GPC6: variants seen among roughly 807,000 people sequenced by gnomAD.
GPC6 encodes the protein glypican 6, also known as glypican-6.
A neutral mutation model predicts 55.2 loss-of-function variants in GPC6; 14 were observed. The ratio of observed to expected loss-of-function variants is 0.25; its 90% CI spans 0.17 to 0.40. GPC6 has a LOEUF of 0.40. Ranked by LOEUF, GPC6 falls within the 10% of genes least tolerant of loss-of-function variation. The probability of loss-of-function intolerance (pLI) is 1.00; values close to 1 mark genes in which losing one functional copy is unlikely to be tolerated. For synonymous variants in GPC6, 278 were observed against 259.6 expected, an observed-to-expected ratio of 1.07 and a Z score of -0.68; for missense variants, 641 against 708.5, an observed-to-expected ratio of 0.90 and a Z score of 1.08.
At chr13:94,315,122 C>A (rs570242791) in intron 6 of GPC6, among the ~76,000 whole-genome samples, 8 of 152,264 alleles carry the variant, frequency 5.3e-5, no homozygotes, top group Admixed American at 1.3e-4. Flanking sequence ...GCTGAGCTAT[C>A]GAAAAATAAA....
At chr13:94,284,913 A>G (rs1892487858) in intron 4 of GPC6, among the ~76,000 whole-genome samples, 1 of 151,482 alleles carries the variant, frequency 6.6e-6, no homozygotes, top group African/African-American at 2.4e-5. Flanking sequence ...GCAAATTTTT[A>G]AGTTTGCAAA....
At chr13:93,353,500 A>G (rs1042053853) in intron 1 of GPC6, among the ~76,000 whole-genome samples, 2 of 152,038 alleles carry the variant, frequency 1.3e-5, no homozygotes, top group African/African-American at 4.8e-5. Context: ...GTTGACTCAT[A>G]TGTTTCACCC....
intron 3 of GPC6, among the ~76,000 whole-genome samples, chr13:93,838,212 G>A (rs1376659178): frequency 1.3e-5 from 2 of 152,132 alleles, no homozygotes; most frequent in African/African-American, 4.8e-5. Flanking sequence ...AGTCTATCAC[G>A]AAGAGAGACA....
intron 1 of GPC6, among the ~76,000 whole-genome samples, chr13:93,242,586 C>G (rs117876958): frequency 6.6e-6 from 1 of 152,134 alleles, no homozygotes; most frequent in Non-Finnish European, 1.5e-5. Context: ...GAGAAGTCCC[C>G]TCTACGTCAC....
At chr13:94,144,536 A>AGTGTGTGTGTGT (rs758759927) in intron 4 of GPC6, among the ~76,000 whole-genome samples, 1 of 80,040 alleles carries the variant, frequency 1.2e-5, no homozygotes, top group African/African-American at 6.2e-5. Flanking sequence ...ATTCTTTGGG[A>AGTGTGTGTGTGT]GTGTGTGTGT....
chr13:93,656,118 G>A (rs1412317867), intron 2 of GPC6, among the ~76,000 whole-genome samples: 1 of 152,080 alleles, frequency 6.6e-6, no homozygotes, highest in Admixed American at 6.5e-5. Flanking sequence ...ATAGCAAACA[G>A]TAGGTTCATG....
intron 1 of GPC6, among the ~76,000 whole-genome samples, chr13:93,333,321 C>T (rs935081634): frequency 2.0e-5 from 3 of 152,084 alleles, no homozygotes; most frequent in Non-Finnish European, 4.4e-5. Flanking sequence ...TTAATTTCTC[C>T]ATTCCATGAA....
At chr13:93,290,067 G>A (rs945840218) in intron 1 of GPC6, among the ~76,000 whole-genome samples, 12 of 152,072 alleles carry the variant, frequency 7.9e-5, no homozygotes, top group Non-Finnish European at 1.8e-4. Context: ...ATAGTGTTTG[G>A]TCTGGGCTCT....
rs1879929328 is a variant in GPC6, at chr13:94,377,437, A to C, written c.1153-4977A>C. Among the ~76,000 whole-genome samples, 7 of 145,380 alleles carry C rather than the reference A, an allele frequency of 4.8e-5. No homozygotes were observed. The South Asian group carries it at 1.6e-3, about 34-fold the overall frequency. On this transcript the variant is annotated intron_variant, in intron 6 of 8. Coordinates refer to ENST00000377047, the MANE Select transcript of GPC6 (RefSeq NM_005708.5). ...AGACATTTATGCAGCCAAAAAACAC[A>C]TGAAAAAATGCTCATCATCACTGGC...
At chr13:94,386,277 A>G (rs559273017) in intron 7 of GPC6, among the ~76,000 whole-genome samples, 1 of 151,938 alleles carries the variant, frequency 6.6e-6, no homozygotes, top group East Asian at 1.9e-4. Flanking sequence ...GGAGAATGGC[A>G]TGAGCCTGGG....
intron 4 of GPC6, among the ~76,000 whole-genome samples, chr13:94,049,118 C>T (rs1883841156): frequency 6.6e-6 from 1 of 151,978 alleles, no homozygotes; most frequent in African/African-American, 2.4e-5. Flanking sequence ...CTAAGCGTGA[C>T]AGCCTGCATC....
At chr13:94,161,581 A>T (rs140967899) in intron 4 of GPC6, among the ~76,000 whole-genome samples, 27 of 152,282 alleles carry the variant, frequency 1.8e-4, no homozygotes, top group Non-Finnish European at 2.8e-4. Flanking sequence ...TTCATCATTT[A>T]GTTAGGCCAT....
intron 1 of GPC6, among the ~76,000 whole-genome samples, chr13:93,340,936 C>T (rs1294678082): frequency 6.6e-6 from 1 of 152,094 alleles, no homozygotes; most frequent in Non-Finnish European, 1.5e-5. Flanking sequence ...CTCTCAACCC[C>T]CTTCCAAATT....
intron 1 of GPC6, among the ~76,000 whole-genome samples, chr13:93,269,701 G>A (rs1044085940): frequency 6.6e-6 from 1 of 150,800 alleles, no homozygotes; most frequent in Non-Finnish European, 1.5e-5. Context: ...CAAGGTGGGC[G>A]GATCACGAGG....
intron 1 of GPC6, among the ~76,000 whole-genome samples, chr13:93,376,364 C>T (rs770629219): frequency 3.3e-5 from 5 of 152,010 alleles, no homozygotes; most frequent in Non-Finnish European, 5.9e-5. Context: ...TACTAGATAT[C>T]GAAAATTAAT....
chr13:93,659,581 G>T (rs1438257071), intron 2 of GPC6, among the ~76,000 whole-genome samples: 3 of 151,992 alleles, frequency 2.0e-5, no homozygotes, highest in Non-Finnish European at 2.9e-5. Context: ...CAGCAATGCA[G>T]ATCAATCAAC....
intron 4 of GPC6, among the ~76,000 whole-genome samples, chr13:94,279,829 C>T: frequency 6.6e-6 from 1 of 152,022 alleles, no homozygotes; most frequent in East Asian, 1.9e-4. Context: ...GATTTCAGTT[C>T]CTTTGCATTT....
At chr13:93,365,583 G>A (rs1175006673) in intron 1 of GPC6, among the ~76,000 whole-genome samples, 1 of 152,048 alleles carries the variant, frequency 6.6e-6, no homozygotes, top group Non-Finnish European at 1.5e-5. Flanking sequence ...GTCCAGAGTA[G>A]TGTCACATTT....
chr13:94,196,147 C>T (rs1299754345), intron 4 of GPC6, among the ~76,000 whole-genome samples: 1 of 151,418 alleles, frequency 6.6e-6, no homozygotes, highest in Non-Finnish European at 1.5e-5. Context: ...GAAGCCGGGC[C>T]ATACTGCATA....
Sources: allele counts gnomAD v4.1 joint callset (sites outside exome capture counted in the v4.1 genomes callset), GRCh38; gene constraint gnomAD v4.1.1; transcripts MANE v1.5; gene names NCBI Gene and HGNC (gene_info 2026-07-23, HGNC 2026-07-21).